The following TLE1 variants were observed in gnomAD, a reference collection of about 807,000 sequenced individuals.
The protein encoded by TLE1 is transducin-like enhancer protein 1.
TLE1 carries 21 observed loss-of-function variants against 89.8 expected under a neutral mutation model. The observed-to-expected ratio is 0.23, with a 90% CI of 0.17 to 0.34. The LOEUF (loss-of-function observed/expected upper bound fraction) is 0.34, where lower values mean the gene tolerates loss of function less well. Among genes scored for constraint, TLE1 ranks in the 10% least tolerant of loss-of-function variants. The pLI, the probability that TLE1 is intolerant of heterozygous loss-of-function variation, is 1.00. For synonymous variants in TLE1, 447 were observed against 407.6 expected (o/e 1.10, Z -1.16); for missense variants, 795 against 1,031.2 (o/e 0.77, Z 3.14).
intron 4 of TLE1, among the ~76,000 whole-genome samples, chr9:81,673,811 T>A (rs1449462940): frequency 1.3e-5 from 2 of 151,996 alleles, no homozygotes; most frequent in East Asian, 3.9e-4. Flanking sequence ...ACTGTAATAA[T>A]AAACCCAAAA....
intron 8 of TLE1, among the ~76,000 whole-genome samples, chr9:81,632,474 C>CTTT (rs1563998736): frequency 9.5e-5 from 7 of 73,408 alleles, no homozygotes; most frequent in African/African-American, 9.5e-5. Flanking sequence ...GTTCAGTATC[C>CTTT]CTTTTTTTTT....
At chr9:81,640,471 T>G (rs1432429969) in intron 6 of TLE1, among the ~76,000 whole-genome samples, 2 of 152,018 alleles carry the variant, frequency 1.3e-5, no homozygotes, top group Non-Finnish European at 2.9e-5. Flanking sequence ...TACATACTGG[T>G]GTTCTGGGGC....
chr9:81,667,385 CAAAAA>C (rs397893862), intron 4 of TLE1, among the ~76,000 whole-genome samples: 7 of 89,860 alleles, frequency 7.8e-5, no homozygotes, highest in Non-Finnish European at 1.3e-4. Context: ...CAGACTGTCT[CAAAAA>C]AAAAAAAAAA....
intron 16 of TLE1, among the ~76,000 whole-genome samples, chr9:81,588,889 G>A (rs1411624570): frequency 1.3e-5 from 2 of 152,192 alleles, no homozygotes; most frequent in African/African-American, 4.8e-5. Flanking sequence ...CATTCCTGTA[G>A]AGCTCCAAAC....
At chr9:81,602,847 G>A (rs892814942) in intron 14 of TLE1, among the ~76,000 whole-genome samples, 8 of 151,988 alleles carry the variant, frequency 5.3e-5, no homozygotes, top group East Asian at 3.9e-4. Flanking sequence ...AAAAAAAAAC[G>A]AGTTAAATGG....
intron 13 of TLE1, among the ~76,000 whole-genome samples, chr9:81,610,545 C>T (rs113195839): frequency 2.0e-5 from 3 of 152,232 alleles, no homozygotes; most frequent in African/African-American, 7.2e-5. Flanking sequence ...GAACCACTTC[C>T]CCATGGTAAA....
intron 16 of TLE1, 40 bp downstream of exon 16, chr9:81,590,765 A>T: frequency 6.3e-7 from 1 of 1,597,800 alleles, no homozygotes; most frequent in Admixed American, 1.7e-5. Flanking sequence ...CCCAGCTGCT[A>T]AAGAAGCGAA....
chr9:81,676,512 A>G (rs1265082971), intron 4 of TLE1, among the ~76,000 whole-genome samples: 1 of 152,202 alleles, frequency 6.6e-6, no homozygotes, highest in East Asian at 1.9e-4. Context: ...TAAAGAAAAC[A>G]GGAAAACTCA....
At chr9:81,633,862 C>T (rs1325652606) in intron 7 of TLE1, 8 of 493,122 alleles carry the variant, frequency 1.6e-5, no homozygotes, top group Non-Finnish European at 2.8e-5. Flanking sequence ...TAGGCAGTTG[C>T]CAAGATGTCA....
At chr9:81,589,586 C>T (rs1829178390) in intron 16 of TLE1, among the ~76,000 whole-genome samples, 1 of 152,170 alleles carries the variant, frequency 6.6e-6, no homozygotes, top group Non-Finnish European at 1.5e-5. Flanking sequence ...CTCAACTTGG[C>T]TCCACCACAT....
chr9:81,660,048 C>T (rs1021836081), intron 4 of TLE1, among the ~76,000 whole-genome samples: 1 of 152,116 alleles, frequency 6.6e-6, no homozygotes, highest in Non-Finnish European at 1.5e-5. Flanking sequence ...GCTTAAAAAT[C>T]ACCATGTCAT....
intron 6 of TLE1, among the ~76,000 whole-genome samples, chr9:81,651,830 G>T (rs1829578866): frequency 6.6e-6 from 1 of 152,104 alleles, no homozygotes; most frequent in Non-Finnish European, 1.5e-5. Context: ...CTTAAAAGTA[G>T]ATTTAGGGAC....
At chr9:81,642,277 T>A (rs1828225842) in intron 6 of TLE1, among the ~76,000 whole-genome samples, 1 of 152,218 alleles carries the variant, frequency 6.6e-6, no homozygotes, top group Admixed American at 6.5e-5. Context: ...AATGTTTGGA[T>A]TCTGGATTTT....
chr9:81,650,404 T>C (rs1829395481), intron 6 of TLE1, among the ~76,000 whole-genome samples: 1 of 152,206 alleles, frequency 6.6e-6, no homozygotes, highest in South Asian at 2.1e-4. Context: ...CCACAAAGTT[T>C]AACCGGGTAC....
intron 9 of TLE1, 53 bp downstream of exon 9, chr9:81,620,388 C>G: frequency 7.5e-7 from 1 of 1,332,842 alleles, no homozygotes. Flanking sequence ...TACTTGGATA[C>G]TCAGGTGAGC....
chr9:81,612,279 A>C, intron 12 of TLE1: 1 of 1,104,436 alleles, frequency 9.1e-7, no homozygotes. Context: ...AGGCACAGGC[A>C]CCAAGTGTTT....
chr9:81,616,497 A>C (rs1288062852), intron 10 of TLE1, 149 bp downstream of exon 10: 4 of 730,570 alleles, frequency 5.5e-6, no homozygotes, highest in African/African-American at 1.8e-5. Context: ...TTATTGCTCC[A>C]TACATGAGCA....
intron 6 of TLE1, among the ~76,000 whole-genome samples, chr9:81,635,115 C>T (rs931457255): frequency 3.3e-5 from 5 of 152,174 alleles, no homozygotes; most frequent in Non-Finnish European, 7.3e-5. Context: ...ACTCTTAAGG[C>T]TGCTGTTTAC....
chr9:81,662,361 T>TTGTGTGTGTGTGTGTGTGTGTGTGTGTG (rs371936084), intron 4 of TLE1, among the ~76,000 whole-genome samples: 1 of 138,360 alleles, frequency 7.2e-6, no homozygotes, highest in Non-Finnish European at 1.5e-5. Context: ...TGTGCCTGTT[T>TTGTGTGTGTGTGTGTGTGTGTGTGTGTG]TGTGTGTGTG....
Sources: gnomAD v4.1 joint callset for allele counts (sites outside exome capture counted in the v4.1 genomes callset) on GRCh38, gnomAD v4.1.1 for gene constraint, MANE v1.5 for transcripts, NCBI Gene and HGNC (gene_info 2026-07-23, HGNC 2026-07-21) for gene names.